The following SGCE variants were observed in gnomAD, a reference collection of about 807,000 sequenced individuals.
SGCE encodes sarcoglycan epsilon.
Under a neutral mutation model 57.8 loss-of-function variants are expected in SGCE, and 26 were observed. The observed-to-expected ratio is 0.45, with a 90% CI of 0.33 to 0.62. The LOEUF (loss-of-function observed/expected upper bound fraction) is 0.62, where lower values mean the gene tolerates loss of function less well. SGCE is among the 20% of genes least tolerant of loss of function. The pLI is 0.02. For synonymous variants in SGCE, 183 were observed against 189.5 expected, an observed-to-expected ratio of 0.97 and a Z score of 0.28; for missense variants, 468 against 548.6, an observed-to-expected ratio of 0.85 and a Z score of 1.47.
intron 1 of SGCE, among the ~76,000 whole-genome samples, chr7:94,648,376 C>CAAAAAA (rs71123907): frequency 1.7e-4 from 11 of 65,080 alleles, no homozygotes; most frequent in East Asian, 4.7e-4. Flanking sequence ...ACTCTGTCTC[C>CAAAAAA]AAAAAAAAAA....
intron 5 of SGCE, among the ~76,000 whole-genome samples, chr7:94,609,519 A>G (rs967503782): frequency 6.6e-6 from 1 of 152,208 alleles, no homozygotes; most frequent in Non-Finnish European, 1.5e-5. Context: ...GTGACACAGT[A>G]AGACTCTGTC....
chr7:94,643,280 C>G (rs1420260266), intron 1 of SGCE, among the ~76,000 whole-genome samples: 1 of 152,214 alleles, frequency 6.6e-6, no homozygotes, highest in Non-Finnish European at 1.5e-5. Context: ...ACTACATGTC[C>G]TTGGCTAGTG....
intron 9 of SGCE, chr7:94,590,407 T>C (rs1797519051): frequency 6.6e-6 from 1 of 152,174 alleles, no homozygotes; most frequent in Non-Finnish European, 1.5e-5. Context: ...TAATATTTAA[T>C]TGCCCCAAAG....
intron 1 of SGCE, chr7:94,644,717 A>C: frequency 2.4e-5 from 22 of 907,448 alleles, no homozygotes; most frequent in Non-Finnish European, 3.3e-5. Flanking sequence ...TATATAGCTC[A>C]CGTGTCCGGC....
chr7:94,586,288 C>G (rs547583586), intron 10 of SGCE, among the ~76,000 whole-genome samples: 1 of 152,088 alleles, frequency 6.6e-6, no homozygotes, highest in South Asian at 2.1e-4. Context: ...TGCCTCTATG[C>G]AGTATTAGGA....
intron 1 of SGCE, among the ~76,000 whole-genome samples, chr7:94,634,860 C>T (rs1459759479): frequency 6.6e-6 from 1 of 152,090 alleles, no homozygotes; most frequent in Non-Finnish European, 1.5e-5. Context: ...AATAGGTGTA[C>T]AATTGAAAGT....
chr7:94,623,237 A>C, intron 4 of SGCE, 88 bp downstream of exon 4: 1 of 793,760 alleles, frequency 1.3e-6, no homozygotes, highest in South Asian at 1.8e-5. Context: ...GTGGCATTTT[A>C]AAATTCTTGA....
At chr7:94,595,273 T>C (rs977198219) in intron 9 of SGCE, among the ~76,000 whole-genome samples, 6 of 152,200 alleles carry the variant, frequency 3.9e-5, no homozygotes, top group African/African-American at 1.4e-4. Flanking sequence ...TCTATAACTT[T>C]GATGTAAATT....
At chr7:94,593,340 TGGA>T (rs1797951522) in intron 9 of SGCE, among the ~76,000 whole-genome samples, 1 of 151,958 alleles carries the variant, frequency 6.6e-6, no homozygotes, top group African/African-American at 2.4e-5. Flanking sequence ...GAAAAATGTG[TGGA>T]GTACTATTCC....
intron 1 of SGCE, among the ~76,000 whole-genome samples, chr7:94,637,960 A>C (rs1377837806): frequency 6.6e-6 from 1 of 152,182 alleles, no homozygotes; most frequent in Non-Finnish European, 1.5e-5. Flanking sequence ...TAACCAGAAA[A>C]TAGATTAGAA....
In SGCE at chr7:94,600,647, C is replaced by T. The variant is rs533652380; in HGVS notation, c.1036G>A (p.Val346Met). 9.8e-5 allele frequency: 157 copies of T among 1,609,552 alleles called. No individual in the cohort carries two copies. The highest frequency in any genetic ancestry group is 1.1e-4 in the Non-Finnish European group (124 of 1,176,198). ...AYIMCCRREGVEKRNMQTPDI... is the reference protein window; with the variant it reads ...AYIMCCRREGMEKRNMQTPDI... ...TCTTATTAGTTTTAAAGTACTCACA[C>T]GCCTTCCCGTCGGCAGCACATGATA... The change falls in exon 7 of 11, where the codon GTG (valine) becomes ATG (methionine). Residue 346 changes from valine to methionine, a missense_variant and splice_region_variant. Val to Met is a conservative substitution (Grantham distance 21). Coordinates refer to ENST00000648936, the MANE Select transcript of SGCE (RefSeq NM_003919.3).
intron 3 of SGCE, chr7:94,625,089 G>T (rs1803476320): frequency 1.3e-5 from 2 of 151,968 alleles, no homozygotes; most frequent in East Asian, 3.9e-4. Context: ...AGAAGAAAAT[G>T]TGAGTGTCTA....
intron 6 of SGCE, 140 bp downstream of exon 6, chr7:94,603,150 G>A: frequency 1.5e-6 from 1 of 653,226 alleles, no homozygotes; most frequent in Non-Finnish European, 2.7e-6. Flanking sequence ...GAGCTTACCA[G>A]ATCCTTAATC....
chr7:94,622,904 A>G (rs1562851849), intron 4 of SGCE, among the ~76,000 whole-genome samples: 3 of 152,164 alleles, frequency 2.0e-5, no homozygotes, highest in African/African-American at 7.2e-5. Flanking sequence ...TACTTAGACT[A>G]TTACCTACAG....
intron 1 of SGCE, among the ~76,000 whole-genome samples, chr7:94,641,132 CAGA>C (rs1806325462): frequency 6.6e-6 from 1 of 152,148 alleles, no homozygotes. Context: ...CATAAGCCAA[CAGA>C]AGAGAGATGT....
At position 94,588,688 on chromosome 7, in the gene SGCE, C is replaced by T; in HGVS notation, c.1297+1G>A. On this transcript the variant is annotated splice_donor_variant, in intron 10 of 10. Transcript: ENST00000648936. LOFTEE classifies it high-confidence loss of function. The stretch of plus-strand genomic sequence containing the variant: ...ATTAATTTATTATTCTTAGCACTCA[C>T]CTGTAGTCTGCTGTTGGGGAATCTG... 6.3e-7 allele frequency: 1 copy of T among 1,592,960 alleles called. No individual in the cohort carries two copies. Among genetic ancestry groups the T allele is most frequent in the Non-Finnish European group, 8.6e-7 (1 of 1,160,880 alleles).
intron 9 of SGCE, 117 bp downstream of exon 9, chr7:94,598,658 T>G: frequency 1.2e-6 from 1 of 806,382 alleles, no homozygotes; most frequent in South Asian, 1.4e-5. Flanking sequence ...TGTCCTTTTG[T>G]TATTTTCTCT....
chr7:94,589,830 TA>T (rs1336039372), intron 9 of SGCE: 1 of 173,938 alleles, frequency 5.7e-6, no homozygotes, highest in Non-Finnish European at 1.2e-5. Context: ...GTGAGTTATA[TA>T]ATATTTCATT....
At chr7:94,632,613 A>G (rs980412196) in intron 1 of SGCE, among the ~76,000 whole-genome samples, 5 of 152,122 alleles carry the variant, frequency 3.3e-5, no homozygotes, top group African/African-American at 1.2e-4. Context: ...ATGGAAAATG[A>G]CTAAGCCACT....
Sources: gnomAD v4.1 joint callset for allele counts (sites outside exome capture counted in the v4.1 genomes callset) on GRCh38, gnomAD v4.1.1 for gene constraint, MANE v1.5 for transcripts, NCBI Gene and HGNC (gene_info 2026-07-23, HGNC 2026-07-21) for gene names.